The following MAP1B variants were observed in gnomAD, a reference collection of about 807,000 sequenced individuals.
The protein encoded by MAP1B is microtubule-associated protein 1B.
Under a neutral mutation model 176.1 loss-of-function variants are expected in MAP1B, and 12 were observed. The observed-to-expected ratio is 0.07, with a 90% confidence interval of 0.04 to 0.11. The LOEUF (loss-of-function observed/expected upper bound fraction) is 0.11. Among genes scored for constraint, MAP1B ranks in the 10% least tolerant of loss-of-function variants. The probability of loss-of-function intolerance (pLI) is 1.00; values close to 1 mark genes in which losing one functional copy is unlikely to be tolerated. For missense variants in MAP1B, 2,523 were observed against 2,990.5 expected (o/e 0.84, Z 3.65); for synonymous variants, 1,044 against 1,135.0 (o/e 0.92, Z 1.61).
Position 72,197,026 on chromosome 5 carries a change from G to A in MAP1B, c.3671G>A (p.Arg1224His), listed in dbSNP as rs1214277499. Residue 1224 changes from arginine (R) to histidine (H), a missense_variant, in exon 5 of 7, where the codon CGT becomes CAT. Arg to His is a conservative substitution (Grantham distance 29). Transcript: ENST00000296755. ...GACAAATTCAGCAGATCTGCTTTAC[G>A]TGATGCTTACTGCTCTGAAGTGAAA... ...EEDKFSRSAL[R>H]DAYCSEVKAS... is the part of the protein sequence containing the mutation. The A allele has an allele frequency of 8.7e-6, 14 of 1,614,154 alleles. No individual in the cohort carries two copies. Among genetic ancestry groups the A allele is most frequent in the Admixed American group, 3.3e-5 (2 of 60,014 alleles).
chr5:72,114,529 G>C (rs2199161), intron 1 of MAP1B, among the ~76,000 whole-genome samples: 114,212 of 152,226 alleles, frequency 0.75, 42,997 homozygotes, highest in African/African-American at 0.82. Context: ...TGAGAATGCT[G>C]TATACAAAGG....
Position 72,198,258 on chromosome 5 carries a change from G to A in MAP1B, c.4903G>A (p.Val1635Ile), listed in dbSNP as rs775740985. Residue 1635 changes from valine to isoleucine, a missense_variant, in exon 5 of 7, where the codon GTT becomes ATT. Physicochemically the swap from Val to Ile is conservative, Grantham distance 29 (BLOSUM62 3). This residue lies in a region of MAP1B where 1,925 missense variants were observed against 2,126.0 expected (regional missense o/e 0.91). Coordinates refer to ENST00000296755, the MANE Select transcript of MAP1B (RefSeq NM_005909.5). ...SPKTAKSRTP[V>I]QDHRSEQSSM... Reference sequence around the variant, plus strand: ...TAAAACTGCAAAGTCCAGGACACCCGTTCAAGATCACAGATCTGAACAGTC... The same window carrying A: ...TAAAACTGCAAAGTCCAGGACACCCATTCAAGATCACAGATCTGAACAGTC... 58 of 1,613,994 alleles carry A rather than the reference G, an allele frequency of 3.6e-5. No homozygotes were observed. Among genetic ancestry groups the A allele is most frequent in the Middle Eastern group, 1.6e-4 (1 of 6,084 alleles).
At chr5:72,157,213 ATGT>A (rs1293178614) in intron 2 of MAP1B, among the ~76,000 whole-genome samples, 3 of 152,036 alleles carry the variant, frequency 2.0e-5, no homozygotes, top group Admixed American at 6.6e-5. Context: ...CTACCCAAAG[ATGT>A]TGTTTTTCAC....
At chr5:72,155,448 A>C (rs1037553167) in intron 2 of MAP1B, among the ~76,000 whole-genome samples, 2 of 152,242 alleles carry the variant, frequency 1.3e-5, no homozygotes, top group African/African-American at 4.8e-5. Context: ...GAAGTTTCTG[A>C]TAGTTATACT....
At chr5:72,122,875 C>T (rs1051002744) in intron 2 of MAP1B, among the ~76,000 whole-genome samples, 1 of 152,176 alleles carries the variant, frequency 6.6e-6, no homozygotes, top group African/African-American at 2.4e-5. Context: ...GACAGCACCT[C>T]ATGCTGAGTG....
At chr5:72,116,389 T>TACA in intron 2 of MAP1B, 1 of 398,294 alleles carries the variant, frequency 2.5e-6, no homozygotes, top group Non-Finnish European at 4.8e-6. Flanking sequence ...AATCTGATAT[T>TACA]ACAAACTTCT....
rs1448028066 is a variant in MAP1B, at chr5:72,108,929, G to A, written c.184+1214G>A. On this transcript the variant is annotated intron_variant, in intron 1 of 6. Transcript: ENST00000296755. The stretch of plus-strand genomic sequence containing the variant: ...GCCCCAGCCCGCGCTCTATTCTCCT[G>A]GGGTGGTGCTGAAGCGTTTCTCCGG... Among the ~76,000 whole-genome samples the A allele has an allele frequency of 4.6e-5, 7 of 152,348 alleles. No individual in the cohort carries two copies. In the South Asian group the frequency reaches 6.2e-4, roughly 14 times the overall value.
rs1274568016 is a variant in MAP1B at position 72,199,066 on chromosome 5, A to G, written c.5711A>G (p.Tyr1904Cys). 6.2e-7 allele frequency: 1 copy of G among 1,614,146 alleles called. No individual in the cohort carries two copies. The change falls in exon 5 of 7, where the codon TAT becomes TGT. Residue 1904 changes from tyrosine (Y) to cysteine (C), a missense_variant. By Grantham distance (194) the Tyr-to-Cys change is radical (BLOSUM62 -2). Coordinates refer to ENST00000296755, the MANE Select transcript of MAP1B (RefSeq NM_005909.5). The surrounding 1 kb of genome is among the most constrained non-coding windows in gnomAD (Gnocchi z 4.2). The stretch of plus-strand genomic sequence containing the variant: ...ACCCGGACCTCAGATGTGGGTGGCT[A>G]TTACTATGAGAAGATAGAGAGAACC... Reference protein sequence around the residue: ...KTTRTSDVGGYYYEKIERTTK... With the variant: ...KTTRTSDVGGCYYEKIERTTK...
In MAP1B at chr5:72,205,549, G is replaced by A. The variant is rs1747428553; in HGVS notation, c.*310G>A. 1 of 266,994 alleles carries A rather than the reference G, an allele frequency of 3.7e-6. No homozygotes were observed. The highest frequency in any genetic ancestry group is 5.9e-5 in the South Asian group (1 of 17,046). The allele number at this position is 266,994 out of a possible 1,614,324, so 16.5% of individuals were successfully genotyped here. ...TGACTTCTGCTAGGTAGAGGCATTT[G>A]TCTTAGAGAGAGAGAGAGCGCGGGA... On this transcript the variant is annotated 3_prime_UTR_variant, in exon 7 of 7. Transcript: ENST00000296755.
At position 72,167,317 on chromosome 5, in the gene MAP1B, C is replaced by T. The variant is rs546423263; in HGVS notation, c.287-16426C>T. Among the ~76,000 whole-genome samples the T allele has an allele frequency of 3.9e-5, 6 of 152,132 alleles. No individual in the cohort carries two copies. The East Asian group carries it at 9.6e-4, about 24-fold the overall frequency. On this transcript the variant is annotated intron_variant, in intron 2 of 6. Transcript: ENST00000296755. ...TTAAAACAAGAAGCAAAAATTTTAC[C>T]CCCAAGGACTAGAAAGTTAGCAAGT...
rs561794590 is a variant in MAP1B, at chr5:72,199,230, A to G, written c.5875A>G (p.Ile1959Val). 3 of 1,614,128 alleles carry G rather than the reference A, an allele frequency of 1.9e-6. No individual in the cohort carries two copies. The highest frequency in any genetic ancestry group is 2.2e-5 in the East Asian group (1 of 44,882). The change falls in exon 5 of 7, where the codon ATA (isoleucine) becomes GTA (valine). Residue 1959 changes from isoleucine (I) to valine (V), a missense_variant. This residue lies in a region of MAP1B where 1,925 missense variants were observed against 2,126.0 expected (regional missense o/e 0.91). Coordinates refer to ENST00000296755, the MANE Select transcript of MAP1B (RefSeq NM_005909.5). The surrounding 1 kb of genome is among the most constrained non-coding windows in gnomAD (Gnocchi z 4.2). Reference protein sequence around the residue: ...TPEEGGYSYDISEKTTSPPEV... With the variant: ...TPEEGGYSYDVSEKTTSPPEV... ...TGAAGAGGGTGGGTACTCATATGAC[A>G]TAAGTGAAAAGACCACCAGCCCCCC... is the stretch of plus-strand genomic sequence containing the variant.
At chr5:72,122,484 A>G (rs1365934210) in intron 2 of MAP1B, among the ~76,000 whole-genome samples, 1 of 152,196 alleles carries the variant, frequency 6.6e-6, no homozygotes, top group Non-Finnish European at 1.5e-5. Flanking sequence ...CTTTATATCC[A>G]GATCCTCACA....
At chr5:72,190,570 GC>G (rs1395540657) in intron 4 of MAP1B, among the ~76,000 whole-genome samples, 1 of 152,116 alleles carries the variant, frequency 6.6e-6, no homozygotes, top group East Asian at 1.9e-4. Flanking sequence ...CCTTAATTCT[GC>G]CATTCCACAT....
chr5:72,193,458 C>T, intron 4 of MAP1B: 1 of 312,570 alleles, frequency 3.2e-6, no homozygotes, highest in South Asian at 2.9e-5. Flanking sequence ...TTTTAAAGGG[C>T]ATCTTTGCCT....
intron 2 of MAP1B, among the ~76,000 whole-genome samples, chr5:72,175,586 A>T (rs1347596700): frequency 2.0e-5 from 3 of 152,202 alleles, no homozygotes; most frequent in African/African-American, 4.8e-5. Context: ...CTTTCACCTT[A>T]ACCCTTGATA....
At chr5:72,203,451 G>A in intron 5 of MAP1B, 112 bp from the exon 6 acceptor site, 3 of 781,366 alleles carry the variant, frequency 3.8e-6, no homozygotes, top group Non-Finnish European at 6.7e-6. Context: ...ATGTCTCAGA[G>A]GACCTACTTG....
At chr5:72,111,539 T>C (rs375578942) in intron 1 of MAP1B, among the ~76,000 whole-genome samples, 75 of 152,326 alleles carry the variant, frequency 4.9e-4, no homozygotes, top group African/African-American at 1.6e-3. Context: ...AGTTTTCCTT[T>C]TCTTTTAACA....
intron 2 of MAP1B, among the ~76,000 whole-genome samples, chr5:72,171,254 AGACC>A (rs1207305765): frequency 1.3e-5 from 2 of 152,226 alleles, no homozygotes; most frequent in African/African-American, 4.8e-5. Flanking sequence ...AGGTCTTGAA[AGACC>A]ATCTGTGGGC....
At chr5:72,111,550 G>A (rs1372819687) in intron 1 of MAP1B, among the ~76,000 whole-genome samples, 1 of 152,152 alleles carries the variant, frequency 6.6e-6, no homozygotes, top group African/African-American at 2.4e-5. Context: ...TCTTTTAACA[G>A]GGGAAATAAG....
Sources: allele counts gnomAD v4.1 joint callset (sites outside exome capture counted in the v4.1 genomes callset), GRCh38; gene constraint gnomAD v4.1.1; regional missense constraint gnomAD v4.1.1; non-coding constraint Gnocchi (gnomAD v3.1); transcripts MANE v1.5; gene names NCBI Gene and HGNC (gene_info 2026-07-23, HGNC 2026-07-21).